PSD3: variants seen among roughly 807,000 people sequenced by gnomAD.
PSD3 encodes PH and SEC7 domain-containing protein 3.
A neutral mutation model predicts 105.5 loss-of-function variants in PSD3; 49 were observed. That is an observed-to-expected ratio of 0.46 (90% CI 0.37 to 0.59). The LOEUF (loss-of-function observed/expected upper bound fraction) is 0.59, where lower values mean the gene tolerates loss of function less well. PSD3 is among the 20% of genes least tolerant of loss of function. The probability of loss-of-function intolerance (pLI) is 0.00; values close to 1 mark genes in which losing one functional copy is unlikely to be tolerated. For synonymous variants in PSD3, 557 were observed against 457.8 expected (o/e 1.22, Z -2.77); for missense variants, 1,561 against 1,263.8 (o/e 1.24, Z -3.57).
chr8:18,782,596 A>C (rs1205349371), intron 8 of PSD3, among the ~76,000 whole-genome samples: 1 of 152,156 alleles, frequency 6.6e-6, no homozygotes, highest in East Asian at 1.9e-4. Flanking sequence ...CTCGGTCAAC[A>C]CACGTGGATA....
chr8:18,568,867 C>T (rs1207506217), intron 14 of PSD3, among the ~76,000 whole-genome samples: 1 of 151,012 alleles, frequency 6.6e-6, no homozygotes, highest in Non-Finnish European at 1.5e-5. Flanking sequence ...TCCCCCGACC[C>T]CACAACAGTC....
At chr8:18,956,648 T>C (rs954949569) in intron 1 of PSD3, among the ~76,000 whole-genome samples, 6 of 152,192 alleles carry the variant, frequency 3.9e-5, no homozygotes, top group Admixed American at 3.9e-4. Context: ...CCACTTATTT[T>C]GTTTTGTTTT....
intron 4 of PSD3, among the ~76,000 whole-genome samples, chr8:18,829,299 C>T (rs1364091735): frequency 1.3e-5 from 2 of 151,954 alleles, no homozygotes. Flanking sequence ...AAAGTATGTT[C>T]TCTATACCAT....
At chr8:19,045,107 C>T (rs570351525) in intron 1 of PSD3, among the ~76,000 whole-genome samples, 47 of 152,166 alleles carry the variant, frequency 3.1e-4, no homozygotes, top group Non-Finnish European at 5.9e-4. Flanking sequence ...ATTGCTTGAA[C>T]CCCGGAGGCA....
At chr8:18,920,228 C>T (rs1026425001) in intron 2 of PSD3, among the ~76,000 whole-genome samples, 1 of 152,164 alleles carries the variant, frequency 6.6e-6, no homozygotes, top group East Asian at 1.9e-4. Flanking sequence ...CTTTTCGTAA[C>T]ATTTTGCAAT....
intron 9 of PSD3, among the ~76,000 whole-genome samples, chr8:18,662,040 A>G (rs1454901773): frequency 6.6e-6 from 1 of 152,082 alleles, no homozygotes; most frequent in African/African-American, 2.4e-5. Context: ...AATCGAGTCA[A>G]CATGTAAACA....
chr8:18,702,715 C>T (rs1188349361), intron 9 of PSD3, among the ~76,000 whole-genome samples: 2 of 152,064 alleles, frequency 1.3e-5, no homozygotes, highest in South Asian at 4.2e-4. Context: ...CGGGTTCACA[C>T]CATTTTCCTG....
At chr8:18,583,888 C>G (rs184076815) in intron 12 of PSD3, among the ~76,000 whole-genome samples, 1 of 152,146 alleles carries the variant, frequency 6.6e-6, no homozygotes, top group Non-Finnish European at 1.5e-5. Context: ...TTCTAGAAGA[C>G]GGGCAAAGTC....
At chr8:18,662,551 C>T (rs1387299541) in intron 9 of PSD3, among the ~76,000 whole-genome samples, 5 of 152,172 alleles carry the variant, frequency 3.3e-5, no homozygotes, top group East Asian at 1.9e-4. Flanking sequence ...GAATTTGAAA[C>T]GGGTGGGTGG....
At chr8:18,630,536 C>T (rs1585438207) in intron 11 of PSD3, among the ~76,000 whole-genome samples, 1 of 152,012 alleles carries the variant, frequency 6.6e-6, no homozygotes, top group East Asian at 1.9e-4. Context: ...GGAAATGAAT[C>T]AATGAAAAGA....
intron 4 of PSD3, among the ~76,000 whole-genome samples, chr8:18,831,211 C>T (rs1484240185): frequency 6.6e-6 from 1 of 152,218 alleles, no homozygotes; most frequent in Admixed American, 6.5e-5. Flanking sequence ...AGTCACTTAA[C>T]ATCTCAGCTT....
At chr8:18,759,853 A>T (rs150067661) in intron 9 of PSD3, among the ~76,000 whole-genome samples, 1 of 151,818 alleles carries the variant, frequency 6.6e-6, no homozygotes. Flanking sequence ...CAAATGGACA[A>T]TTCATCTCTA....
At chr8:18,881,046 C>T (rs1214240660) in intron 2 of PSD3, among the ~76,000 whole-genome samples, 2 of 152,096 alleles carry the variant, frequency 1.3e-5, no homozygotes, top group African/African-American at 4.8e-5. Context: ...ATTTACAGTC[C>T]ATTAGAAGTC....
intron 2 of PSD3, among the ~76,000 whole-genome samples, chr8:18,883,143 G>A (rs189097358): frequency 1.2e-3 from 184 of 152,114 alleles, no homozygotes; most frequent in Middle Eastern, 3.4e-3. Flanking sequence ...GAATCCCAGA[G>A]GATTTGTATA....
intron 6 of PSD3, among the ~76,000 whole-genome samples, chr8:18,803,980 ACTC>A (rs944850607): frequency 5.3e-5 from 8 of 151,780 alleles, no homozygotes; most frequent in African/African-American, 7.3e-5. Flanking sequence ...AAACAGAAAA[ACTC>A]CTACAGATGG....
At chr8:18,664,344 G>A (rs1809563485) in intron 9 of PSD3, among the ~76,000 whole-genome samples, 1 of 152,228 alleles carries the variant, frequency 6.6e-6, no homozygotes, top group South Asian at 2.1e-4. Context: ...CAGCTTTATT[G>A]CTGATATGGA....
chr8:18,808,924 C>T (rs1811440168), intron 4 of PSD3: 1 of 1,497,094 alleles, frequency 6.7e-7, no homozygotes, highest in African/African-American at 1.4e-5. Flanking sequence ...ACTACTATGA[C>T]CTCACATTCT....
intron 9 of PSD3, among the ~76,000 whole-genome samples, chr8:18,715,871 C>T (rs772993525): frequency 2.0e-5 from 3 of 152,212 alleles, no homozygotes; most frequent in Non-Finnish European, 4.4e-5. Context: ...ATGTGACAGG[C>T]ATTGTTCTAG....
Position 18,799,334 on chromosome 8 carries a change from G to A in PSD3, c.2043C>T (p.Thr681=). 3.1e-6 allele frequency: 5 copies of A among 1,608,612 alleles called. No individual in the cohort carries two copies. Among genetic ancestry groups the A allele is most frequent in the South Asian group, 1.1e-5 (1 of 90,922 alleles). Residue 681 remains threonine (T), a synonymous_variant, in exon 8 of 16, where the codon ACC becomes ACT. Transcript: ENST00000327040. ...CGGTATTAAGAAGCATTATTGCACAGGTAAGGCAATGGACTCCATCTAAAG... is the reference window on the plus strand; with the variant it reads ...CGGTATTAAGAAGCATTATTGCACAAGTAAGGCAATGGACTCCATCTAAAG... The part of the protein sequence containing the change: ...IASQDGVHCL[T]CAIMLLNTDL...
Sources: gnomAD v4.1 joint callset for allele counts (sites outside exome capture counted in the v4.1 genomes callset) on GRCh38, gnomAD v4.1.1 for gene constraint, MANE v1.5 for transcripts, NCBI Gene and HGNC (gene_info 2026-07-23, HGNC 2026-07-21) for gene names.